REDIC1: variants seen among roughly 807,000 people sequenced by gnomAD.
The protein encoded by REDIC1 is HEI10 Interacting Protein 1.
chr12:39,665,309 G>A, the REDIC1 span, among the ~76,000 whole-genome samples: 5 of 152,126 alleles, frequency 3.3e-5, no homozygotes, highest in African/African-American at 4.8e-5. Flanking sequence ...AGTTTTCCCC[G>A]CATCATTTAT....
chr12:39,785,283 G>C, the REDIC1 span, among the ~76,000 whole-genome samples: 1 of 152,164 alleles, frequency 6.6e-6, no homozygotes, highest in Non-Finnish European at 1.5e-5. Context: ...TGTCCCAGCT[G>C]CTCCAGCCAC....
the REDIC1 span, among the ~76,000 whole-genome samples, chr12:39,713,377 C>CGTGT: frequency 4.7e-4 from 64 of 135,266 alleles, 1 homozygote; most frequent in South Asian, 9.3e-4. Context: ...TACACATATA[C>CGTGT]ATATGTATGT....
the REDIC1 span, among the ~76,000 whole-genome samples, chr12:39,667,816 T>C: frequency 6.6e-6 from 1 of 152,228 alleles, no homozygotes; most frequent in African/African-American, 2.4e-5. Flanking sequence ...TTTACCATTA[T>C]GTAATGGCCT....
chr12:39,809,125 C>T, the REDIC1 span, among the ~76,000 whole-genome samples: 6 of 152,086 alleles, frequency 3.9e-5, no homozygotes, highest in South Asian at 2.1e-4. Context: ...CACCTTCACC[C>T]GCAATGTAGA....
the REDIC1 span, among the ~76,000 whole-genome samples, chr12:39,838,483 A>C: frequency 7.2e-6 from 1 of 139,710 alleles, no homozygotes; most frequent in Admixed American, 7.7e-5. Context: ...CTAAAACTTA[A>C]AGTATAATAA....
the REDIC1 span, chr12:39,745,912 C>G: frequency 1.3e-5 from 2 of 152,218 alleles, no homozygotes; most frequent in Admixed American, 1.3e-4. Flanking sequence ...GCTTGAGATG[C>G]ATGGACCTAT....
chr12:39,720,037 A>G, the REDIC1 span, among the ~76,000 whole-genome samples: 1 of 152,012 alleles, frequency 6.6e-6, no homozygotes, highest in Admixed American at 6.6e-5. Context: ...TAAGATTTTC[A>G]TTAAAAGAAT....
chr12:39,698,251 G>A, the REDIC1 span, among the ~76,000 whole-genome samples: 1 of 152,134 alleles, frequency 6.6e-6, no homozygotes, highest in Non-Finnish European at 1.5e-5. Flanking sequence ...TAGGCCATGA[G>A]TGCTCCATCC....
the REDIC1 span, among the ~76,000 whole-genome samples, chr12:39,878,436 G>C: frequency 6.6e-6 from 1 of 152,224 alleles, no homozygotes; most frequent in Non-Finnish European, 1.5e-5. Context: ...GTCTCAGGTA[G>C]AAATGAGGAA....
the REDIC1 span, among the ~76,000 whole-genome samples, chr12:39,680,871 G>T: frequency 6.6e-6 from 1 of 152,170 alleles, no homozygotes. Context: ...CCTAGATGGA[G>T]TTGGAAACTA....
At chr12:39,640,439 A>G in the REDIC1 span, among the ~76,000 whole-genome samples, 1 of 151,920 alleles carries the variant, frequency 6.6e-6, no homozygotes, top group African/African-American at 2.4e-5. Context: ...CAGCCTGAAC[A>G]TATTAAGACA....
the REDIC1 span, chr12:39,756,072 T>G: frequency 3.9e-5 from 6 of 151,994 alleles, no homozygotes; most frequent in African/African-American, 1.4e-4. Context: ...ATTTATAGAC[T>G]GCTACAACCT....
chr12:39,690,324 A>G, the REDIC1 span, among the ~76,000 whole-genome samples: 91,892 of 152,022 alleles, frequency 0.6, 29,421 homozygotes, highest in Non-Finnish European at 0.71. Flanking sequence ...TTAGAGGAGT[A>G]TAATTATTTA....
the REDIC1 span, among the ~76,000 whole-genome samples, chr12:39,677,047 G>C: frequency 6.8e-6 from 1 of 146,696 alleles, no homozygotes; most frequent in Non-Finnish European, 1.5e-5. Flanking sequence ...AAAACACCAA[G>C]ATATCCAGGC....
the REDIC1 span, among the ~76,000 whole-genome samples, chr12:39,802,688 T>C: frequency 2.6e-5 from 4 of 152,168 alleles, no homozygotes; most frequent in African/African-American, 9.7e-5. Flanking sequence ...TATGTCTATG[T>C]ATACACACAT....
At chr12:39,749,177 A>C in the REDIC1 span, among the ~76,000 whole-genome samples, 1 of 152,232 alleles carries the variant, frequency 6.6e-6, no homozygotes, top group Non-Finnish European at 1.5e-5. Flanking sequence ...CACTAGCAAG[A>C]CTAATAAAGA....
chr12:39,792,708 A>T, the REDIC1 span, among the ~76,000 whole-genome samples: 1 of 151,976 alleles, frequency 6.6e-6, no homozygotes, highest in South Asian at 2.1e-4. Flanking sequence ...ACCAAAGTAT[A>T]TGTGGGTTTT....
the REDIC1 span, among the ~76,000 whole-genome samples, chr12:39,880,490 C>T: frequency 3.2e-3 from 480 of 152,126 alleles, 3 homozygotes; most frequent in Middle Eastern, 6.8e-3. Flanking sequence ...ATATTTCATA[C>T]GAGGGATTTG....
chr12:39,700,274 C>T, the REDIC1 span, among the ~76,000 whole-genome samples: 199 of 152,076 alleles, frequency 1.3e-3, 1 homozygote, highest in African/African-American at 4.2e-3. Context: ...AACCAAGGCT[C>T]GAGAACTACT....
Sources: gnomAD v4.1 joint callset for allele counts (sites outside exome capture counted in the v4.1 genomes callset) on GRCh38, gnomAD v4.1.1 for gene constraint, MANE v1.5 for transcripts, NCBI Gene and HGNC (gene_info 2026-07-23, HGNC 2026-07-21) for gene names.